The following SNRPN variants were observed in gnomAD, a reference collection of about 807,000 sequenced individuals.
SNRPN encodes the protein small nuclear ribonucleoprotein-associated protein N.
In SNRPN, 7 loss-of-function variants were observed where a neutral mutation model predicts 25.2. The observed-to-expected ratio is 0.28, with a 90% CI of 0.16 to 0.52. SNRPN has a LOEUF of 0.52. Among genes scored for constraint, SNRPN ranks in the 20% least tolerant of loss-of-function variants. SNRPN has a pLI of 0.96. For synonymous variants in SNRPN, 124 were observed against 110.6 expected, an observed-to-expected ratio of 1.12 and a Z score of -0.76; for missense variants, 196 against 322.5, an observed-to-expected ratio of 0.61 and a Z score of 3.00.
chr15:24,909,342 CA>C, intron 2 of SNRPN: 1 of 1,602,754 alleles, frequency 6.2e-7, no homozygotes, highest in Admixed American at 1.7e-5. Context: ...TTCAGGGCAC[CA>C]AAAACTTTAT....
chr15:24,976,230 T>A, intron 5 of SNRPN, 75 bp from the exon 6 acceptor site: 1 of 1,123,760 alleles, frequency 8.9e-7, no homozygotes, highest in South Asian at 1.3e-5. Flanking sequence ...AATTGATACT[T>A]GAGGTTGTAT....
chr15:24,918,456 CATAAT>C (rs1396919411), intron 2 of SNRPN, among the ~76,000 whole-genome samples: 3 of 115,036 alleles, frequency 2.6e-5, no homozygotes, highest in Admixed American at 1.0e-4. Flanking sequence ...ATATATATAA[CATAAT>C]ATATATGTGT....
chr15:24,837,623 C>A (rs867320867), intron 2 of SNRPN, among the ~76,000 whole-genome samples: 15 of 151,970 alleles, frequency 9.9e-5, no homozygotes, highest in Admixed American at 6.5e-4. Context: ...CCCGCCTCGG[C>A]CACCCAAAGT....
intron 2 of SNRPN, among the ~76,000 whole-genome samples, chr15:24,892,374 G>A (rs1220959167): frequency 2.0e-5 from 3 of 152,134 alleles, no homozygotes; most frequent in Non-Finnish European, 4.4e-5. Context: ...AAGATTGAAA[G>A]TGGCAAGAGT....
At chr15:24,851,859 C>A (rs1397333029), upstream of SNRPN, 1 of 152,110 alleles carries the variant, frequency 6.6e-6, no homozygotes, top group African/African-American at 2.4e-5. Context: ...TGTTCATGTC[C>A]CTTTCTCCAT....
At chr15:24,841,121 G>A (rs970171733) in intron 2 of SNRPN, among the ~76,000 whole-genome samples, 1 of 152,280 alleles carries the variant, frequency 6.6e-6, no homozygotes, top group East Asian at 1.9e-4. Context: ...TTACAGGCAT[G>A]AGCCCCCACG....
intron 1 of SNRPN, among the ~76,000 whole-genome samples, chr15:24,883,997 C>G (rs1035550573): frequency 9.2e-6 from 1 of 108,876 alleles, no homozygotes; most frequent in Admixed American, 1.1e-4. Flanking sequence ...CAGAGCCCCA[C>G]TCTGTCTAAA....
At chr15:24,963,366 C>T (rs2075136263) in intron 2 of SNRPN, among the ~76,000 whole-genome samples, 1 of 152,154 alleles carries the variant, frequency 6.6e-6, no homozygotes, top group Non-Finnish European at 1.5e-5. Context: ...CCTGTAATCC[C>T]AGCACTTTGG....
chr15:24,916,810 A>C (rs2059554379), intron 2 of SNRPN, among the ~76,000 whole-genome samples: 1 of 152,148 alleles, frequency 6.6e-6, no homozygotes, highest in Non-Finnish European at 1.5e-5. Flanking sequence ...TGAAGCCACA[A>C]GCCTTCTGAA....
chr15:24,903,191 A>G (rs2058579959), intron 2 of SNRPN, among the ~76,000 whole-genome samples: 1 of 152,222 alleles, frequency 6.6e-6, no homozygotes, highest in Non-Finnish European at 1.5e-5. Context: ...ATCTGAAAGC[A>G]TATGCTGGGG....
chr15:24,895,410 C>CAA (rs2058024515), intron 2 of SNRPN, among the ~76,000 whole-genome samples: 1 of 100,598 alleles, frequency 9.9e-6, no homozygotes, highest in Non-Finnish European at 2.0e-5. Context: ...AACACACACA[C>CAA]ACACACACAC....
chr15:24,872,836 C>T (rs1207360371), intron 1 of SNRPN, among the ~76,000 whole-genome samples: 1 of 99,698 alleles, frequency 1.0e-5, no homozygotes, highest in Non-Finnish European at 2.1e-5. Context: ...GATCACACTG[C>T]ACTCCAGCCT....
intron 1 of SNRPN, among the ~76,000 whole-genome samples, chr15:24,867,630 T>C (rs1163668761): frequency 1.3e-5 from 2 of 152,188 alleles, no homozygotes; most frequent in Non-Finnish European, 2.9e-5. Flanking sequence ...CGCCTCGGCC[T>C]CCCAAAGTGC....
At chr15:24,887,294 T>G (rs895100105) in intron 2 of SNRPN, among the ~76,000 whole-genome samples, 1 of 151,946 alleles carries the variant, frequency 6.6e-6, no homozygotes, top group African/African-American at 2.4e-5. Context: ...ATTACAGGCA[T>G]GCGCCACCAT....
intron 1 of SNRPN, among the ~76,000 whole-genome samples, chr15:24,961,068 G>C (rs749523544): frequency 6.6e-6 from 1 of 151,804 alleles, no homozygotes; most frequent in African/African-American, 2.4e-5. Context: ...AGTGTTTTCG[G>C]AACTTTATTT....
chr15:24,879,425 C>T (rs1432915709), intron 1 of SNRPN, among the ~76,000 whole-genome samples: 5 of 137,692 alleles, frequency 3.6e-5, no homozygotes, highest in South Asian at 4.7e-4. Flanking sequence ...GGACAGAGTG[C>T]GATTCTGTCT....
chr15:24,977,973 T>C, intron 8 of SNRPN, 57 bp downstream of exon 8: 1 of 1,467,160 alleles, frequency 6.8e-7, no homozygotes. Context: ...GATAGCTTAC[T>C]GATTTAAGAC....
In SNRPN at chr15:24,872,182, T is replaced by C. The variant is rs1422337864; in HGVS notation, c.-578-14334T>C. Among the ~76,000 whole-genome samples the C allele has an allele frequency of 2.5e-5, 3 of 119,776 alleles. 1 individual carries two copies. Among genetic ancestry groups the C allele is most frequent in the Non-Finnish European group, 5.5e-5 (3 of 54,736 alleles). The allele number at this position is 119,776 out of a possible 152,430, so 78.6% of individuals were successfully genotyped here. On this transcript the variant is annotated intron_variant, in intron 1 of 11. Transcript: ENST00000400097. ...ATACATTTTTAAAATAACTTTTTTT[T>C]TGAGACATGAGTATCACTTTTGTTG...
chr15:24,918,938 CAT>C lies in SNRPN; in HGVS notation c.-504-1065_-504-1064del, dbSNP rs748468775. On this transcript the variant is annotated intron_variant, in intron 2 of 11. Coordinates refer to the SNRPN transcript ENST00000400097. ...ATATAACATAATATATATATGCGCACATATATATAACATAATATATATGCGCG... is the reference window on the plus strand; with the variant it reads ...ATATAACATAATATATATATGCGCACATATATAACATAATATATATGCGCG... 5.9e-5 allele frequency among the ~76,000 whole-genome samples: 3 copies of C among 50,594 alleles called. 1 individual carries two copies. The highest frequency in any genetic ancestry group is 2.2e-4 in the African/African-American group (2 of 8,924). The allele number at this position is 50,594 out of a possible 152,430, so 33.2% of individuals were successfully genotyped here.
Sources: gnomAD v4.1 joint callset for allele counts (sites outside exome capture counted in the v4.1 genomes callset) on GRCh38, gnomAD v4.1.1 for gene constraint, MANE v1.5 for transcripts, NCBI Gene and HGNC (gene_info 2026-07-23, HGNC 2026-07-21) for gene names.